Variants in ARHGAP10 observed in about 807,000 individuals in gnomAD.
ARHGAP10 encodes the protein rho GTPase-activating protein 10.
Under a neutral mutation model 108.6 loss-of-function variants are expected in ARHGAP10, and 87 were observed. That is an observed-to-expected ratio of 0.80 (90% CI 0.67 to 0.96). ARHGAP10 has a LOEUF of 0.96. Among genes scored for constraint, ARHGAP10 ranks in the 40% least tolerant of loss-of-function variants. ARHGAP10 has a pLI of 0.00. For missense variants in ARHGAP10, 939 were observed against 954.5 expected (o/e 0.98, Z 0.21); for synonymous variants, 347 against 341.1 (o/e 1.02, Z -0.19).
At chr4:147,758,934 G>A (rs868508775) in intron 1 of ARHGAP10, among the ~76,000 whole-genome samples, 71 of 148,180 alleles carry the variant, frequency 4.8e-4, no homozygotes, top group South Asian at 1.5e-3. Context: ...AGCAGAGATC[G>A]TGCCACTGCA....
intron 1 of ARHGAP10, among the ~76,000 whole-genome samples, chr4:147,768,999 A>G (rs1265335835): frequency 2.0e-5 from 3 of 152,126 alleles, no homozygotes; most frequent in Admixed American, 1.3e-4. Flanking sequence ...CGGCCTCCCA[A>G]AGTGCTGGGA....
At chr4:147,857,407 A>G in intron 4 of ARHGAP10, 146 bp from the exon 5 acceptor site, 2 of 749,630 alleles carry the variant, frequency 2.7e-6, no homozygotes, top group East Asian at 8.1e-5. Flanking sequence ...GGCTTGGTAC[A>G]GATATGTTTT....
chr4:147,732,413 G>C lies in ARHGAP10; in HGVS notation c.112G>C (p.Glu38Gln). The C allele has an allele frequency of 6.2e-7, 1 of 1,613,224 alleles. No homozygotes were observed. The highest frequency in any genetic ancestry group is 8.5e-7 in the Non-Finnish European group (1 of 1,179,566). The change falls in exon 1 of 23, where the codon GAG becomes CAG. Residue 38 changes from glutamate to glutamine, a missense_variant. By Grantham distance (29) the Glu-to-Gln change is conservative. Transcript: ENST00000336498. ...CGAGAGGACCAACAAGTTCATCAAA[G>C]AGCTCATTAAGGACGGGAAGAACCT... is the stretch of plus-strand genomic sequence containing the variant. ...ELERTNKFIK[E>Q]LIKDGKNLIA...
rs1018519039 is a variant in ARHGAP10 at position 148,022,977 on chromosome 4, A to G, written c.1717-286A>G. 6.6e-5 allele frequency: 17 copies of G among 257,488 alleles called. No homozygotes were observed. The Middle Eastern group carries it at 4.1e-3, about 61-fold the overall frequency. 16.0% of individuals were successfully genotyped at this position (257,488 alleles called of 1,614,324 possible). ...GAGATGAAGGGCTGTGGTACTGTCT[A>G]TATCTGCTAAAGATAGTTTTATTTG... On this transcript the variant is annotated intron_variant, in intron 18 of 22. Coordinates refer to ENST00000336498, the MANE Select transcript of ARHGAP10 (RefSeq NM_024605.4).
intron 1 of ARHGAP10, among the ~76,000 whole-genome samples, chr4:147,819,161 C>G (rs895144117): frequency 2.0e-5 from 3 of 152,164 alleles, no homozygotes; most frequent in Admixed American, 1.3e-4. Flanking sequence ...TCAGTTTTAA[C>G]TTTCCAGAGA....
intron 21 of ARHGAP10, among the ~76,000 whole-genome samples, chr4:148,064,127 T>C (rs1729750618): frequency 6.6e-6 from 1 of 152,144 alleles, no homozygotes; most frequent in Admixed American, 6.5e-5. Context: ...CAGTGCTGAA[T>C]GGTAGGAAAG....
intron 19 of ARHGAP10, among the ~76,000 whole-genome samples, chr4:148,030,023 G>A (rs1394744616): frequency 6.7e-6 from 1 of 149,290 alleles, no homozygotes; most frequent in Non-Finnish European, 1.5e-5. Context: ...CAATGCTAGT[G>A]ACAAAGTGAA....
chr4:147,997,628 G>C (rs185749741), intron 18 of ARHGAP10, among the ~76,000 whole-genome samples: 1 of 152,182 alleles, frequency 6.6e-6, no homozygotes, highest in Non-Finnish European at 1.5e-5. Context: ...AACCAGACAC[G>C]TAGAACAGAA....
chr4:147,962,931 G>A (rs1397482300), intron 16 of ARHGAP10, among the ~76,000 whole-genome samples: 6 of 152,130 alleles, frequency 3.9e-5, no homozygotes, highest in Non-Finnish European at 8.8e-5. Flanking sequence ...AAAGTGCTGG[G>A]ATTATAGGCA....
At chr4:147,955,694 A>G (rs540882592) in intron 16 of ARHGAP10, among the ~76,000 whole-genome samples, 36 of 152,280 alleles carry the variant, frequency 2.4e-4, no homozygotes, top group African/African-American at 8.7e-4. Flanking sequence ...ATGTACAATA[A>G]TGGCATGAGC....
Position 147,881,898 on chromosome 4 carries a change from A to G in ARHGAP10, c.1000A>G (p.Arg334Gly), listed in dbSNP as rs777720441. Residue 334 changes from arginine (R) to glycine (G), a missense_variant, in exon 10 of 23, where the codon AGA becomes GGA. By Grantham distance (125) the Arg-to-Gly change is moderately radical (BLOSUM62 -2). Coordinates refer to ENST00000336498, the MANE Select transcript of ARHGAP10 (RefSeq NM_024605.4). ...CTKRHTDSID[R>G]RFCFDIEAAD... is the part of the protein sequence containing the mutation. ...CAAGAGGCATACTGACTCCATTGAC[A>G]GAAGGTTTTGTTTTGACATAGAAGC... is the stretch of plus-strand genomic sequence containing the variant. 7 of 1,614,132 alleles carry G rather than the reference A, an allele frequency of 4.3e-6. No homozygotes were observed. Among genetic ancestry groups the G allele is most frequent in the Admixed American group, 1.7e-5 (1 of 60,016 alleles).
rs371361290 is a variant in ARHGAP10 at position 147,884,522 on chromosome 4, C to T, written c.1034+2590C>T. 1.5e-4 allele frequency among the ~76,000 whole-genome samples: 23 copies of T among 152,304 alleles called. No individual in the cohort carries two copies. The East Asian group carries it at 2.5e-3, about 17-fold the overall frequency. ...GGATTCCTCCCCACCTTTTAGCTTC[C>T]GTCTTTTTTCTTGCAAAAGTCTCTA... On this transcript the variant is annotated intron_variant, in intron 10 of 22. Coordinates refer to ENST00000336498, the MANE Select transcript of ARHGAP10 (RefSeq NM_024605.4).
In ARHGAP10 at chr4:148,072,376, G is replaced by T; in HGVS notation, c.*295G>T. 3.0e-6 allele frequency: 1 copy of T among 337,132 alleles called. No individual in the cohort carries two copies. 20.9% of individuals were successfully genotyped at this position (337,132 alleles called of 1,614,324 possible). ...TATCCAGCATATAGAATGAGAGGGA[G>T]GGCAGCCTTCTGCCACCTGTGTCGC... On this transcript the variant is annotated 3_prime_UTR_variant, in exon 23 of 23. Coordinates refer to ENST00000336498, the MANE Select transcript of ARHGAP10 (RefSeq NM_024605.4).
intron 1 of ARHGAP10, among the ~76,000 whole-genome samples, chr4:147,821,078 G>GGAAATAGATGAGTTTCCATGGGAGGA (rs1732478618): frequency 6.6e-6 from 1 of 152,166 alleles, no homozygotes; most frequent in Non-Finnish European, 1.5e-5. Flanking sequence ...CTGGCTGGTG[G>GGAAATAGATGAGTTTCCATGGGAGGA]GCTGCTGCTG....
intron 18 of ARHGAP10, among the ~76,000 whole-genome samples, chr4:148,019,215 C>T (rs1436086946): frequency 1.3e-5 from 2 of 152,106 alleles, no homozygotes; most frequent in Non-Finnish European, 2.9e-5. Flanking sequence ...ATTCAAGACT[C>T]CAAGAAATTA....
At chr4:147,737,039 A>G (rs1728445838) in intron 1 of ARHGAP10, among the ~76,000 whole-genome samples, 1 of 152,070 alleles carries the variant, frequency 6.6e-6, no homozygotes, top group Admixed American at 6.6e-5. Context: ...CTGTTGGGAG[A>G]CCTGTGGGAT....
intron 18 of ARHGAP10, among the ~76,000 whole-genome samples, chr4:148,019,887 C>T (rs953332490): frequency 3.9e-5 from 6 of 152,076 alleles, no homozygotes; most frequent in African/African-American, 1.2e-4. Context: ...CTGTGTTAAT[C>T]GGGATGATAG....
At chr4:147,786,965 C>G (rs112041240) in intron 1 of ARHGAP10, among the ~76,000 whole-genome samples, 1,547 of 152,308 alleles carry the variant, frequency 0.01, 30 homozygotes, top group African/African-American at 0.035. Context: ...CTTTTCATTT[C>G]TTATCTCCAC....
chr4:147,870,350 C>T (rs1025167196), intron 7 of ARHGAP10, among the ~76,000 whole-genome samples: 19 of 152,238 alleles, frequency 1.2e-4, no homozygotes, highest in Middle Eastern at 3.4e-3. Context: ...CGTGAGCCAC[C>T]GCGCCCGGCC....
Sources: gnomAD v4.1 joint callset for allele counts (sites outside exome capture counted in the v4.1 genomes callset) on GRCh38, gnomAD v4.1.1 for gene constraint, MANE v1.5 for transcripts, NCBI Gene and HGNC (gene_info 2026-07-23, HGNC 2026-07-21) for gene names.